BACE2: variants seen among roughly 807,000 people sequenced by gnomAD.
The protein encoded by BACE2 is 56 kDa aspartic-like protease.
Under a neutral mutation model 46.2 loss-of-function variants are expected in BACE2, and 17 were observed. That is an observed-to-expected ratio of 0.37 (90% CI 0.25 to 0.55). BACE2 has a LOEUF of 0.55. Among genes scored for constraint, BACE2 ranks in the 20% least tolerant of loss-of-function variants. BACE2 has a pLI of 0.82. For synonymous variants in BACE2, 277 were observed against 295.9 expected, an observed-to-expected ratio of 0.94 and a Z score of 0.66; for missense variants, 595 against 698.1, an observed-to-expected ratio of 0.85 and a Z score of 1.66.
rs986952191 is a variant in BACE2 at position 41,250,870 on chromosome 21, G to A, written c.1103G>A (p.Ser368Asn). The A allele has an allele frequency of 2.5e-6, 4 of 1,614,028 alleles. No homozygotes were observed. The highest frequency in any genetic ancestry group is 3.4e-6 in the Non-Finnish European group (4 of 1,179,992). The change falls in exon 7 of 9, where the codon AGC becomes AAC. Residue 368 changes from serine to asparagine, a missense_variant. By Grantham distance (46) the Ser-to-Asn change is conservative (BLOSUM62 1). Transcript: ENST00000330333. ...ATCTACCTGAGAGACGAGAACTCCA[G>A]CAGGTCATTCCGTATCACAATCCTG... ...ISIYLRDENS[S>N]RSFRITILPQ...
chr21:41,208,552 G>GAGGAGCTGCCTTCTGAACATGGGT (rs1986202230), intron 1 of BACE2, among the ~76,000 whole-genome samples: 3 of 152,184 alleles, frequency 2.0e-5, no homozygotes, highest in Non-Finnish European at 4.4e-5. Flanking sequence ...CCATTCGAGG[G>GAGGAGCTGCCTTCTGAACATGGGT]AGGAGCTGCC....
chr21:41,168,187 C>A lies in BACE2; in HGVS notation c.-77C>A, dbSNP rs1984448712. 3.4e-6 allele frequency: 3 copies of A among 891,192 alleles called. No individual in the cohort carries two copies. In the Admixed American group the frequency reaches 1.7e-4, roughly 49 times the overall value. The allele number at this position is 891,192 out of a possible 1,614,324, so 55.2% of individuals were successfully genotyped here. A position where few individuals can be genotyped will look rare whatever the true frequency, so the allele number is the denominator to read the frequency against. ...CCCTGCCCGCAGCCCCGCGCGCCGG[C>A]CGAGTCGCTGAGCCGCGGCTGCCGG... On this transcript the variant is annotated 5_prime_UTR_variant, in exon 1 of 9. Coordinates refer to ENST00000330333, the MANE Select transcript of BACE2 (RefSeq NM_012105.5).
Position 41,257,149 on chromosome 21 carries a change from G to A in BACE2, c.1135-9G>A, listed in dbSNP as rs375080587. On this transcript the variant is annotated splice_polypyrimidine_tract_variant and intron_variant, in intron 7 of 8. Coordinates refer to ENST00000330333, the MANE Select transcript of BACE2 (RefSeq NM_012105.5). ...CTTGTTTGTTTGCTCTCTCCTCTCC[G>A]ACAAACAGCTTTACATTCAGCCCAT... 3.7e-6 allele frequency: 6 copies of A among 1,614,092 alleles called. 1 individual carries two copies. Among genetic ancestry groups the A allele is most frequent in the Middle Eastern group, 1.6e-4 (1 of 6,062 alleles).
chr21:41,267,717 G>A (rs1291752062), intron 8 of BACE2, among the ~76,000 whole-genome samples: 1 of 122,776 alleles, frequency 8.1e-6, no homozygotes, highest in Non-Finnish European at 1.8e-5. Context: ...GTGTAGATCA[G>A]GCTGCTCTGT....
chr21:41,222,365 C>T (rs537197648), intron 1 of BACE2, among the ~76,000 whole-genome samples: 36 of 152,272 alleles, frequency 2.4e-4, no homozygotes, highest in African/African-American at 8.4e-4. Flanking sequence ...GGGTCAGCTT[C>T]GTGGAGAAGG....
At chr21:41,270,398 C>T (rs2088422577) in intron 8 of BACE2, among the ~76,000 whole-genome samples, 1 of 152,140 alleles carries the variant, frequency 6.6e-6, no homozygotes, top group South Asian at 2.1e-4. Flanking sequence ...AATTTTTCGC[C>T]TAACCCCAGG....
chr21:41,189,554 C>T (rs1985495115), intron 1 of BACE2, among the ~76,000 whole-genome samples: 1 of 152,144 alleles, frequency 6.6e-6, no homozygotes, highest in East Asian at 1.9e-4. Context: ...TGCTTTTTAT[C>T]TGTCTCCTCC....
chr21:41,242,563 C>T (rs1432210142), intron 4 of BACE2, among the ~76,000 whole-genome samples: 1 of 152,166 alleles, frequency 6.6e-6, no homozygotes, highest in Non-Finnish European at 1.5e-5. Flanking sequence ...GCAGGATCTG[C>T]ACCCCGGTCC....
chr21:41,255,046 A>G (rs1290991917), intron 7 of BACE2, among the ~76,000 whole-genome samples: 2 of 152,224 alleles, frequency 1.3e-5, no homozygotes, highest in South Asian at 2.1e-4. Context: ...GGGTCTGGTT[A>G]CAGTCTCCAT....
intron 1 of BACE2, among the ~76,000 whole-genome samples, chr21:41,213,910 CT>C (rs149737332): frequency 0.014 from 2,121 of 152,218 alleles, 30 homozygotes; most frequent in South Asian, 0.059. Flanking sequence ...AGCCATTTTC[CT>C]TGTCCAGAGG....
intron 1 of BACE2, among the ~76,000 whole-genome samples, chr21:41,199,017 C>G (rs1985848988): frequency 8.3e-6 from 1 of 120,310 alleles, no homozygotes; most frequent in Non-Finnish European, 1.7e-5. Flanking sequence ...GCTATCCCTC[C>G]CCCCTCCCCC....
At chr21:41,174,772 C>T (rs1186059747) in intron 1 of BACE2, among the ~76,000 whole-genome samples, 1 of 152,172 alleles carries the variant, frequency 6.6e-6, no homozygotes, top group African/African-American at 2.4e-5. Context: ...GACTGTGAGC[C>T]TCTGCCTGTC....
chr21:41,231,914 G>A (rs1018860607), intron 2 of BACE2, among the ~76,000 whole-genome samples: 2 of 152,076 alleles, frequency 1.3e-5, no homozygotes, highest in South Asian at 2.1e-4. Flanking sequence ...GAAACTCTAC[G>A]CTAATAATAA....
At chr21:41,213,214 C>A (rs900384300) in intron 1 of BACE2, among the ~76,000 whole-genome samples, 1 of 152,076 alleles carries the variant, frequency 6.6e-6, no homozygotes, top group African/African-American at 2.4e-5. Flanking sequence ...AGAAAGGAAA[C>A]CGGGAAACAT....
chr21:41,263,402 A>C lies in BACE2; in HGVS notation c.1303+6076A>C, dbSNP rs1037791004. On this transcript the variant is annotated intron_variant, in intron 8 of 8. Transcript: ENST00000330333. ...CTTTAGTAGTTACATAAATACATAA[A>C]ACCATCACTTTTATCAAAATAGAAA... 6.6e-5 allele frequency among the ~76,000 whole-genome samples: 10 copies of C among 152,216 alleles called. 1 individual carries two copies. The highest frequency in any genetic ancestry group is 3.9e-4 in the Admixed American group (6 of 15,284).
chr21:41,199,161 G>C (rs1985858072), intron 1 of BACE2, among the ~76,000 whole-genome samples: 1 of 151,794 alleles, frequency 6.6e-6, no homozygotes, highest in African/African-American at 2.4e-5. Context: ...TCAGAATGAT[G>C]GTTCACCGCC....
At chr21:41,249,080 C>G (rs751869369) in intron 6 of BACE2, among the ~76,000 whole-genome samples, 3 of 152,194 alleles carry the variant, frequency 2.0e-5, no homozygotes, top group Non-Finnish European at 4.4e-5. Context: ...CTAGCCCAGG[C>G]CCATCCCCTG....
At chr21:41,208,963 A>G (rs1986215678) in intron 1 of BACE2, among the ~76,000 whole-genome samples, 1 of 152,134 alleles carries the variant, frequency 6.6e-6, no homozygotes, top group South Asian at 2.1e-4. Flanking sequence ...AGCCTAGGAT[A>G]CCTTTGGATT....
chr21:41,246,153 A>C, intron 6 of BACE2, 90 bp downstream of exon 6: 1 of 909,220 alleles, frequency 1.1e-6, no homozygotes, highest in Non-Finnish European at 1.6e-6. Flanking sequence ...GCATCTCTGA[A>C]CTATTGCGCC....
Sources: allele counts gnomAD v4.1 joint callset (sites outside exome capture counted in the v4.1 genomes callset), GRCh38; gene constraint gnomAD v4.1.1; transcripts MANE v1.5; gene names NCBI Gene and HGNC (gene_info 2026-07-23, HGNC 2026-07-21).